Variants in CELSR1 observed in about 807,000 individuals in gnomAD.
The protein encoded by CELSR1 is cadherin EGF LAG seven-pass G-type receptor 1, also known as adhesion G protein-coupled receptor C1.
CELSR1 carries 110 observed loss-of-function variants against 249.1 expected under a neutral mutation model. The ratio of observed to expected loss-of-function variants is 0.44; its 90% CI spans 0.38 to 0.52. The LOEUF is 0.52. Ranked by LOEUF, CELSR1 falls within the 20% of genes least tolerant of loss-of-function variation. The pLI is 0.00. For synonymous variants in CELSR1, 2,113 were observed against 1,900.0 expected (o/e 1.11, Z -2.92); for missense variants, 4,109 against 4,296.4 (o/e 0.96, Z 1.22).
In CELSR1 at chr22:46,385,912, T is replaced by C. The variant is rs1432883707; in HGVS notation, c.6739+490A>G. On this transcript the variant is annotated intron_variant, in intron 19 of 34. Coordinates refer to ENST00000674500, the MANE Select transcript of CELSR1 (RefSeq NM_001378328.1). ...CAGGATGGTCTTGATCTCCTGACCC[T>C]GTGATCCGCCCACCTTGGCCTCCCA... is the stretch of plus-strand genomic sequence containing the variant. Among the ~76,000 whole-genome samples, 958 of 150,182 alleles carry C rather than the reference T, an allele frequency of 6.4e-3. 14 individuals are homozygous for C. Among genetic ancestry groups the C allele is most frequent in the African/African-American group, 0.022 (877 of 39,930 alleles).
At chr22:46,420,840 T>A (rs1471684553) in intron 5 of CELSR1, among the ~76,000 whole-genome samples, 1 of 152,068 alleles carries the variant, frequency 6.6e-6, no homozygotes, top group African/African-American at 2.4e-5. Flanking sequence ...GCTCAGTATC[T>A]GTGTGATAAG....
At position 46,364,120 on chromosome 22, in the gene CELSR1, A is replaced by G; in HGVS notation, c.8911T>C (p.Ser2971Pro). Residue 2971 changes from serine (S) to proline (P), a missense_variant, in exon 34 of 35, where the codon TCT becomes CCT. Around this residue, in one of 7 missense-constraint regions of CELSR1, gnomAD observed 1,805 missense variants for 1,831.6 expected, o/e 0.99. Transcript: ENST00000674500. ...PTSSRTSSLGSGGPDCAITVK... is the reference protein window; with the variant it reads ...PTSSRTSSLGPGGPDCAITVK... ...GTGATGGCGCAGTCGGGGCCGCCAGAGCCCAGGGAAGACGTGCGCGAGGAT... is the reference window on the plus strand; with the variant it reads ...GTGATGGCGCAGTCGGGGCCGCCAGGGCCCAGGGAAGACGTGCGCGAGGAT... 6.2e-7 allele frequency: 1 copy of G among 1,612,204 alleles called. No homozygotes were observed. The highest frequency in any genetic ancestry group is 8.5e-7 in the Non-Finnish European group (1 of 1,179,578).
At chr22:46,508,685 G>A (rs944519461) in intron 1 of CELSR1, among the ~76,000 whole-genome samples, 2 of 152,136 alleles carry the variant, frequency 1.3e-5, no homozygotes, top group African/African-American at 2.4e-5. Flanking sequence ...CTTCCAAGGC[G>A]GTGTGAGTCT....
intron 1 of CELSR1, among the ~76,000 whole-genome samples, chr22:46,531,764 T>C (rs764245651): frequency 5.9e-5 from 9 of 152,040 alleles, no homozygotes; most frequent in Non-Finnish European, 8.8e-5. Context: ...GGGAAACACA[T>C]GAGAGCGCAA....
intron 1 of CELSR1, among the ~76,000 whole-genome samples, chr22:46,507,571 C>T (rs1375247945): frequency 6.6e-6 from 1 of 152,190 alleles, no homozygotes; most frequent in Non-Finnish European, 1.5e-5. Context: ...CCCAACACTC[C>T]TCCCCAACCC....
rs1479987112 is a variant in CELSR1, at chr22:46,381,653, T to C, written c.7088+193A>G. Among the ~76,000 whole-genome samples, 1 of 152,076 alleles carries C rather than the reference T, an allele frequency of 6.6e-6. No homozygotes were observed. The highest frequency in any genetic ancestry group is 6.5e-5 in the Admixed American group (1 of 15,278). On this transcript the variant is annotated intron_variant, in intron 21 of 34. Transcript: ENST00000674500. This position sits in a 1 kb window ranked among gnomAD's most constrained non-coding sequence, Gnocchi z 6.0. ...AAAGGGTGTGCAATGTTCCAGGGTG[T>C]GGTATCCTGTGGCAGACCCAGAATC...
chr22:46,391,757 A>G lies in CELSR1; in HGVS notation c.6024T>C (p.His2008=), dbSNP rs766744281. 6.8e-6 allele frequency: 11 copies of G among 1,612,766 alleles called. No homozygotes were observed. The Admixed American group carries it at 1.7e-4, about 24-fold the overall frequency. ...TGTCGCAAGTGCGGCTGTGGGAGCC[A>G]TGGGGGAAGCAGTCGCAGGGCAGAC... is the stretch of plus-strand genomic sequence containing the variant. ...DTCLPCDCFP[H]GSHSRTCDMA... Residue 2008 remains histidine, a synonymous_variant, in exon 15 of 35, where the codon CAT becomes CAC. Coordinates refer to ENST00000674500, the MANE Select transcript of CELSR1 (RefSeq NM_001378328.1). The surrounding 1 kb of genome is among the most constrained non-coding windows in gnomAD (Gnocchi z 4.3).
At position 46,362,706 on chromosome 22, in the gene CELSR1, A is replaced by G; in HGVS notation, c.*517T>C. On this transcript the variant is annotated 3_prime_UTR_variant, in exon 35 of 35. Transcript: ENST00000674500. The stretch of plus-strand genomic sequence containing the variant: ...TCCTCAGAGTCCCATACAAATATAT[A>G]AAAGTATCTCCACCTTTCCCACATA... The G allele has an allele frequency of 5.9e-6, 1 of 169,514 alleles. No homozygotes were observed. Among genetic ancestry groups the G allele is most frequent in the Non-Finnish European group, 1.3e-5 (1 of 77,574 alleles). The allele number at this position is 169,514 out of a possible 1,614,324, so 10.5% of individuals were successfully genotyped here.
rs2080829479 is a variant in CELSR1, at chr22:46,534,580, G to A, written c.2591C>T (p.Ala864Val). The A allele has an allele frequency of 6.2e-7, 1 of 1,613,688 alleles. No homozygotes were observed. The highest frequency in any genetic ancestry group is 1.3e-5 in the African/African-American group (1 of 74,940). ...TTTCTGCGGGATGCCGTTGTCCTGG[G>A]CCATGATGGTCAGCGTGTAGGCGAC... The part of the protein sequence containing the change: ...NQVAYTLTIM[A>V]QDNGIPQKSD... Residue 864 changes from alanine (A) to valine (V), a missense_variant, in exon 1 of 35, where the codon GCC becomes GTC. By Grantham distance (64) the Ala-to-Val change is moderately conservative. This residue lies in a region of CELSR1 where 886 missense variants were observed against 896.5 expected (regional missense o/e 0.99). Transcript: ENST00000674500. The surrounding 1 kb of genome is among the most constrained non-coding windows in gnomAD (Gnocchi z 9.7).
In CELSR1 at chr22:46,417,924, T is replaced by C. The variant is rs2147363430; in HGVS notation, c.4612-6165A>G. ...GGACAGCAGTGTCCACAGCATCCAATGGACATCACCTCCTTAAAGCCAAGG... is the reference window on the plus strand; with the variant it reads ...GGACAGCAGTGTCCACAGCATCCAACGGACATCACCTCCTTAAAGCCAAGG... On this transcript the variant is annotated intron_variant, in intron 5 of 34. Transcript: ENST00000674500. The surrounding 1 kb of genome is among the most constrained non-coding windows in gnomAD (Gnocchi z 4.1). Among the ~76,000 whole-genome samples the C allele has an allele frequency of 6.6e-6, 1 of 152,312 alleles. No homozygotes were observed. Among genetic ancestry groups the C allele is most frequent in the South Asian group, 2.1e-4 (1 of 4,828 alleles).
Position 46,371,940 on chromosome 22 carries a change from C to T in CELSR1, c.7759+943G>A, listed in dbSNP as rs148281799. Among the ~76,000 whole-genome samples, 392 of 150,100 alleles carry T rather than the reference C, an allele frequency of 2.6e-3. 1 individual carries two copies. The highest frequency in any genetic ancestry group is 8.1e-3 in the African/African-American group (329 of 40,670). On this transcript the variant is annotated intron_variant, in intron 25 of 34. Coordinates refer to ENST00000674500, the MANE Select transcript of CELSR1 (RefSeq NM_001378328.1). ...ACCCACCCACCCATCTGCTCACTCACTCAGCCCTTCATCCCTCCCATCCAT... is the reference window on the plus strand; with the variant it reads ...ACCCACCCACCCATCTGCTCACTCATTCAGCCCTTCATCCCTCCCATCCAT...
In CELSR1 at chr22:46,417,299, C is replaced by T. The variant is rs7289491; in HGVS notation, c.4612-5540G>A. Among the ~76,000 whole-genome samples, 2,298 of 152,294 alleles carry T rather than the reference C, an allele frequency of 0.015. 52 individuals carry two copies. Among genetic ancestry groups the T allele is most frequent in the African/African-American group, 0.052 (2,149 of 41,546 alleles). On this transcript the variant is annotated intron_variant, in intron 5 of 34. Coordinates refer to ENST00000674500, the MANE Select transcript of CELSR1 (RefSeq NM_001378328.1). The surrounding 1 kb of genome is among the most constrained non-coding windows in gnomAD (Gnocchi z 4.1). ...AAGTGGTGGGAAGGGTCACGAGGAG[C>T]AAATTCACGCAGATGCACGCAGCCT...
chr22:46,488,595 C>T lies in CELSR1; in HGVS notation c.3545-24250G>A, dbSNP rs1387224509. ...AAGAACAAACGCACCCCCCGCGCCA[C>T]AGTGGAAAGTCCCCAGAAGCAGCAG... is the stretch of plus-strand genomic sequence containing the variant. On this transcript the variant is annotated intron_variant, in intron 1 of 34. Coordinates refer to ENST00000674500, the MANE Select transcript of CELSR1 (RefSeq NM_001378328.1). The surrounding 1 kb of genome is among the most constrained non-coding windows in gnomAD (Gnocchi z 4.7). 2.0e-5 allele frequency among the ~76,000 whole-genome samples: 3 copies of T among 152,032 alleles called. No individual in the cohort carries two copies. The highest frequency in any genetic ancestry group is 1.3e-4 in the Admixed American group (2 of 15,280).
chr22:46,528,260 C>CA (rs1427852859), intron 1 of CELSR1, among the ~76,000 whole-genome samples: 13 of 152,152 alleles, frequency 8.5e-5, no homozygotes, highest in Non-Finnish European at 1.9e-4. Flanking sequence ...TTTAACTAGG[C>CA]AAACACTTAG....
rs1008317974 is a variant in CELSR1, at chr22:46,407,447, T to C, written c.5226+1549A>G. Reference sequence around the variant, plus strand: ...GAGTTCGAGACCAGCCTGGTCAACATAGCAAAACCCTGTCTCTACTAAAAA... The same window carrying C: ...GAGTTCGAGACCAGCCTGGTCAACACAGCAAAACCCTGTCTCTACTAAAAA... On this transcript the variant is annotated intron_variant, in intron 9 of 34. Transcript: ENST00000674500. This position sits in a 1 kb window ranked among gnomAD's most constrained non-coding sequence, Gnocchi z 4.8. Among the ~76,000 whole-genome samples, 5 of 152,056 alleles carry C rather than the reference T, an allele frequency of 3.3e-5. No homozygotes were observed. The East Asian group carries it at 7.7e-4, about 23-fold the overall frequency.
rs1455799820 is a variant in CELSR1 at position 46,512,766 on chromosome 22, C to T, written c.3544+20861G>A. On this transcript the variant is annotated intron_variant, in intron 1 of 34. Coordinates refer to ENST00000674500, the MANE Select transcript of CELSR1 (RefSeq NM_001378328.1). This position sits in a 1 kb window ranked among gnomAD's most constrained non-coding sequence, Gnocchi z 5.2. Reference sequence around the variant, plus strand: ...TATAGAGGGTAGCGGGTTTCCGTTCCCTGCCATCCAGAGGAATTATTCAGA... The same window carrying T: ...TATAGAGGGTAGCGGGTTTCCGTTCTCTGCCATCCAGAGGAATTATTCAGA... Among the ~76,000 whole-genome samples, 2 of 152,202 alleles carry T rather than the reference C, an allele frequency of 1.3e-5. No individual in the cohort carries two copies. Among genetic ancestry groups the T allele is most frequent in the East Asian group, 1.9e-4 (1 of 5,184 alleles).
Position 46,429,205 on chromosome 22 carries a change from G to A in CELSR1, c.4611+4188C>T, listed in dbSNP as rs926327920. Among the ~76,000 whole-genome samples, 3 of 152,186 alleles carry A rather than the reference G, an allele frequency of 2.0e-5. No individual in the cohort carries two copies. The highest frequency in any genetic ancestry group is 2.4e-5 in the African/African-American group (1 of 41,438). ...ACACTTCCCAAACACCCAGGATGCC[G>A]AGGGCGATGGAGGAGCAGCAAACAC... is the stretch of plus-strand genomic sequence containing the variant. On this transcript the variant is annotated intron_variant, in intron 5 of 34. Coordinates refer to ENST00000674500, the MANE Select transcript of CELSR1 (RefSeq NM_001378328.1). The surrounding 1 kb of genome is among the most constrained non-coding windows in gnomAD (Gnocchi z 4.1).
chr22:46,389,437 C>T lies in CELSR1; in HGVS notation c.6408G>A (p.Arg2136=), dbSNP rs757914871. 3 of 1,613,000 alleles carry T rather than the reference C, an allele frequency of 1.9e-6. No individual in the cohort carries two copies. Among genetic ancestry groups the T allele is most frequent in the East Asian group, 2.2e-5 (1 of 44,880 alleles). The part of the protein sequence containing the change: ...VDGARALQLV[R]ALRSATQHTG... ...TGTGCTGTGTAGCACTGCGCAGCGC[C>T]CTCACCAGCTGCAGGGCCCTGGCGC... The change falls in exon 18 of 35, where the codon AGG becomes AGA. Residue 2136 remains arginine (R), a synonymous_variant. Transcript: ENST00000674500.
At position 46,463,892 on chromosome 22, in the gene CELSR1, G is replaced by A. The variant is rs1293692182; in HGVS notation, c.3998C>T (p.Ser1333Phe). The change falls in exon 2 of 35, where the codon TCC (serine) becomes TTC (phenylalanine). Residue 1333 changes from serine (S) to phenylalanine (F), a missense_variant. This residue lies in a region of CELSR1 where 141 missense variants were observed against 209.4 expected (regional missense o/e 0.67). Coordinates refer to ENST00000674500, the MANE Select transcript of CELSR1 (RefSeq NM_001378328.1). Reference sequence around the variant, plus strand: ...GATGGGCCGGAAGAGCACGGTGGTGGAGCTGAGGAAGGGCGCGGAGCTGTC... The same window carrying A: ...GATGGGCCGGAAGAGCACGGTGGTGAAGCTGAGGAAGGGCGCGGAGCTGTC... ...RFDSSAPFLSSTTVLFRPIHP... is the reference protein window; with the variant it reads ...RFDSSAPFLSFTTVLFRPIHP... 1 of 1,613,418 alleles carries A rather than the reference G, an allele frequency of 6.2e-7. No homozygotes were observed.
Sources: allele counts gnomAD v4.1 joint callset (sites outside exome capture counted in the v4.1 genomes callset), GRCh38; gene constraint gnomAD v4.1.1; regional missense constraint gnomAD v4.1.1; non-coding constraint Gnocchi (gnomAD v3.1); transcripts MANE v1.5; gene names NCBI Gene and HGNC (gene_info 2026-07-23, HGNC 2026-07-21).